The following SOX5 variants were observed in gnomAD, a reference collection of about 807,000 sequenced individuals.
SOX5 encodes the protein SRY-box transcription factor 5.
Under a neutral mutation model 92.0 loss-of-function variants are expected in SOX5, and 9 were observed. The observed-to-expected ratio is 0.10, with a 90% CI of 0.06 to 0.17. The LOEUF (loss-of-function observed/expected upper bound fraction) is 0.17, where lower values mean the gene tolerates loss of function less well. Among genes scored for constraint, SOX5 ranks in the 10% least tolerant of loss-of-function variants. The pLI is 1.00. For synonymous variants in SOX5, 344 were observed against 336.3 expected, an observed-to-expected ratio of 1.02 and a Z score of -0.25; for missense variants, 642 against 944.5, an observed-to-expected ratio of 0.68 and a Z score of 4.20.
At chr12:23,992,996 C>T (rs1265277902) in intron 4 of SOX5, among the ~76,000 whole-genome samples, 2 of 152,130 alleles carry the variant, frequency 1.3e-5, no homozygotes, top group South Asian at 2.1e-4. Context: ...CTTCTCTGTC[C>T]CCTTCTTATC....
chr12:23,991,362 T>TAC (rs1240123456), intron 4 of SOX5, among the ~76,000 whole-genome samples: 2 of 151,594 alleles, frequency 1.3e-5, no homozygotes, highest in African/African-American at 2.4e-5. Flanking sequence ...TATATATATA[T>TAC]ACCACATATC....
At chr12:24,521,697 C>T (rs1950277939) in intron 1 of SOX5, among the ~76,000 whole-genome samples, 2 of 152,018 alleles carry the variant, frequency 1.3e-5, no homozygotes, top group Non-Finnish European at 2.9e-5. Flanking sequence ...AAACAACACA[C>T]TCTTGAACAA....
rs943349077 is a variant in SOX5, at chr12:24,100,539, C to A, written c.-2+112804G>T. Among the ~76,000 whole-genome samples, 4 of 151,694 alleles carry A rather than the reference C, an allele frequency of 2.6e-5. No individual in the cohort carries two copies. In the East Asian group the frequency reaches 7.8e-4, roughly 29 times the overall value. On this transcript the variant is annotated intron_variant, in intron 4 of 4. Transcript: ENST00000446891. ...TTAAAGGTGATTGCCTCAAATTGTT[C>A]GGGGAACCCTTTTTTAATCTACACT...
intron 3 of SOX5, among the ~76,000 whole-genome samples, chr12:24,221,710 G>GA (rs1203260794): frequency 2.0e-5 from 3 of 152,174 alleles, no homozygotes; most frequent in African/African-American, 7.2e-5. Flanking sequence ...AGAAAGACAA[G>GA]AATACAACAC....
chr12:23,717,934 C>T (rs1305666712), intron 6 of SOX5, among the ~76,000 whole-genome samples: 2 of 151,972 alleles, frequency 1.3e-5, no homozygotes, highest in African/African-American at 4.8e-5. Flanking sequence ...GAGATTTTTC[C>T]TTTTTGATTT....
rs1278707978 is a variant in SOX5, at chr12:24,358,123, A to T, written c.-174+10440T>A. Among the ~76,000 whole-genome samples, 3 of 152,338 alleles carry T rather than the reference A, an allele frequency of 2.0e-5. No individual in the cohort carries two copies. The East Asian group carries it at 5.8e-4, about 29-fold the overall frequency. On this transcript the variant is annotated intron_variant, in intron 2 of 4. Transcript: ENST00000446891. Reference sequence around the variant, plus strand: ...AACTATTTTGTGATAATAAGAAGCAACTGAATCTGATTCTCTACAGGATGG... The same window carrying T: ...AACTATTTTGTGATAATAAGAAGCATCTGAATCTGATTCTCTACAGGATGG...
chr12:23,637,771 G>A (rs1328343041), intron 8 of SOX5, among the ~76,000 whole-genome samples: 1 of 152,176 alleles, frequency 6.6e-6, no homozygotes, highest in Non-Finnish European at 1.5e-5. Context: ...GGTGAGAAAG[G>A]TCTTAGGAGA....
At position 23,532,007 on chromosome 12, in the gene SOX5, G is replaced by A. The variant is rs979481455; in HGVS notation, c.*2212C>T. 5 of 150,558 alleles carry A rather than the reference G, an allele frequency of 3.3e-5. No homozygotes were observed. The highest frequency in any genetic ancestry group is 1.2e-4 in the African/African-American group (5 of 41,066). 9.3% of individuals were successfully genotyped at this position (150,558 alleles called of 1,614,324 possible). Reference sequence around the variant, plus strand: ...GTTTTAAATATCTAACAGCTTATTGGCTGCACTTCCAAATCAGAGCAGAAT... The same window carrying A: ...GTTTTAAATATCTAACAGCTTATTGACTGCACTTCCAAATCAGAGCAGAAT... On this transcript the variant is annotated 3_prime_UTR_variant, in exon 15 of 15. Coordinates refer to ENST00000451604, the MANE Select transcript of SOX5 (RefSeq NM_006940.6).
intron 4 of SOX5, among the ~76,000 whole-genome samples, chr12:24,145,145 C>T (rs1950948197): frequency 1.3e-5 from 2 of 151,994 alleles, no homozygotes; most frequent in African/African-American, 2.4e-5. Context: ...ATATGATAAT[C>T]TGAAGATGTA....
chr12:23,949,098 C>T (rs1219830606), intron 1 of SOX5, among the ~76,000 whole-genome samples: 2 of 152,028 alleles, frequency 1.3e-5, no homozygotes, highest in Admixed American at 6.6e-5. Context: ...CAAAGTTTTA[C>T]GGAAGGATCA....
intron 6 of SOX5, among the ~76,000 whole-genome samples, chr12:23,669,153 G>T (rs76902731): frequency 0.014 from 2,147 of 152,184 alleles, 54 homozygotes; most frequent in African/African-American, 0.05. Context: ...TCTGAATCTG[G>T]TGGGGCAAAC....
chr12:23,575,227 C>T (rs12369406), intron 10 of SOX5, among the ~76,000 whole-genome samples: 49,042 of 152,018 alleles, frequency 0.32, 8,325 homozygotes, highest in Non-Finnish European at 0.38. Context: ...CAGAACGAAA[C>T]TGAACAAACT....
intron 1 of SOX5, among the ~76,000 whole-genome samples, chr12:24,380,124 A>G (rs901862096): frequency 6.6e-6 from 1 of 152,218 alleles, no homozygotes; most frequent in South Asian, 2.1e-4. Flanking sequence ...CAAGAACACA[A>G]TAACTGCAAG....
intron 1 of SOX5, among the ~76,000 whole-genome samples, chr12:24,440,588 G>A (rs1305696008): frequency 7.0e-6 from 1 of 142,884 alleles, no homozygotes; most frequent in Non-Finnish European, 1.5e-5. Flanking sequence ...CCATTCACAT[G>A]ATCCTTTGTG....
intron 6 of SOX5, among the ~76,000 whole-genome samples, chr12:23,715,070 C>A (rs2092382260): frequency 6.6e-6 from 1 of 151,972 alleles, no homozygotes; most frequent in Admixed American, 6.6e-5. Context: ...GAGGCCGAGG[C>A]GGGCGGATCA....
At chr12:23,845,691 C>T (rs61923966) in intron 3 of SOX5, among the ~76,000 whole-genome samples, 46,432 of 151,902 alleles carry the variant, frequency 0.31, 7,782 homozygotes, top group Middle Eastern at 0.42. Context: ...ATTTGACAAG[C>T]AGGTGACTAT....
chr12:24,059,398 T>C (rs1939228350), intron 4 of SOX5, among the ~76,000 whole-genome samples: 1 of 150,802 alleles, frequency 6.6e-6, no homozygotes, highest in African/African-American at 2.4e-5. Context: ...GGCGCTTGAG[T>C]ATTTCAAGCC....
At chr12:24,378,753 T>C (rs1957532306) in intron 1 of SOX5, among the ~76,000 whole-genome samples, 1 of 152,204 alleles carries the variant, frequency 6.6e-6, no homozygotes, top group Non-Finnish European at 1.5e-5. Context: ...GCTTTTTTAT[T>C]GTAGCCGAAG....
intron 3 of SOX5, among the ~76,000 whole-genome samples, chr12:23,778,738 C>G (rs947426123): frequency 6.6e-6 from 1 of 152,096 alleles, no homozygotes; most frequent in East Asian, 1.9e-4. Context: ...GGCCCTTTTA[C>G]CTAGAGCTCT....
Sources: gnomAD v4.1 joint callset for allele counts (sites outside exome capture counted in the v4.1 genomes callset) on GRCh38, gnomAD v4.1.1 for gene constraint, MANE v1.5 for transcripts, NCBI Gene and HGNC (gene_info 2026-07-23, HGNC 2026-07-21) for gene names.